Variants in ADCK1 observed in about 807,000 individuals in gnomAD.
ADCK1 encodes aarF domain-containing protein kinase 1.
ADCK1 carries 41 observed loss-of-function variants against 52.3 expected under a neutral mutation model. That is an observed-to-expected ratio of 0.78 (90% CI 0.61 to 1.02). The LOEUF (loss-of-function observed/expected upper bound fraction) is 1.02, where lower values mean the gene tolerates loss of function less well. Ranked by LOEUF, ADCK1 falls within the 50% of genes least tolerant of loss-of-function variation. The probability of loss-of-function intolerance (pLI) is 0.00; values close to 1 mark genes in which losing one functional copy is unlikely to be tolerated. For missense variants in ADCK1, 658 were observed against 679.5 expected, an observed-to-expected ratio of 0.97 and a Z score of 0.35; for synonymous variants, 250 against 274.6, an observed-to-expected ratio of 0.91 and a Z score of 0.89.
intron 4 of ADCK1, among the ~76,000 whole-genome samples, chr14:77,880,446 C>T (rs568602545): frequency 1.2e-4 from 19 of 152,326 alleles, no homozygotes; most frequent in African/African-American, 4.1e-4. Context: ...TTTTGGAACC[C>T]CAGAAAGAAC....
At position 77,815,428 on chromosome 14, in the gene ADCK1, T is replaced by A. The variant is rs2081426369; in HGVS notation, c.-11-3540T>A. On this transcript the variant is annotated intron_variant, in intron 1 of 10. Coordinates refer to ENST00000238561, the MANE Select transcript of ADCK1 (RefSeq NM_020421.4). ...CCCTTTTTTCTTCCCCAGGCTGGTC[T>A]TGAACTCCTAGGCCCAAACAGTCCT... Among the ~76,000 whole-genome samples, 4 of 151,908 alleles carry A rather than the reference T, an allele frequency of 2.6e-5. No homozygotes were observed. The South Asian group carries it at 8.3e-4, about 32-fold the overall frequency.
At chr14:77,847,581 AC>A (rs1343948439) in intron 3 of ADCK1, among the ~76,000 whole-genome samples, 1 of 151,800 alleles carries the variant, frequency 6.6e-6, no homozygotes, top group Non-Finnish European at 1.5e-5. Flanking sequence ...CAAACAAAAA[AC>A]CCCACAAAAA....
At chr14:77,913,087 T>C (rs192095477) in intron 7 of ADCK1, among the ~76,000 whole-genome samples, 9 of 152,186 alleles carry the variant, frequency 5.9e-5, no homozygotes, top group East Asian at 5.8e-4. Flanking sequence ...AGAATCACTA[T>C]AGGGGAAAAA....
rs56314853 is a variant in ADCK1, at chr14:77,887,190, G to T, written c.523G>T (p.Val175Leu). Reference sequence around the variant, plus strand: ...GCTGCATGATGGGCGGACGGTGGCCGTGAAGGTCCAGCACCCAAAGGTGCG... The same window carrying T: ...GCTGCATGATGGGCGGACGGTGGCCTTGAAGGTCCAGCACCCAAAGGTGCG... ...AVLHDGRTVA[V>L]KVQHPKVRAQ... The change falls in exon 5 of 11, where the codon GTG becomes TTG. Residue 175 changes from valine to leucine, a missense_variant. Val to Leu is a conservative substitution (Grantham distance 32). Coordinates refer to ENST00000238561, the MANE Select transcript of ADCK1 (RefSeq NM_020421.4). 6.2e-7 allele frequency: 1 copy of T among 1,610,140 alleles called. No homozygotes were observed. The highest frequency in any genetic ancestry group is 8.5e-7 in the Non-Finnish European group (1 of 1,178,064).
At position 77,912,433 on chromosome 14, in the gene ADCK1, C is replaced by CGTGTGTGT. The variant is rs57555913; in HGVS notation, c.858+4551_858+4558dup. Among the ~76,000 whole-genome samples the CGTGTGTGT allele has an allele frequency of 1.9e-3, 256 of 138,252 alleles. 2 individuals are homozygous for CGTGTGTGT. Among genetic ancestry groups the CGTGTGTGT allele is most frequent in the East Asian group, 7.0e-3 (31 of 4,458 alleles). The allele number at this position is 138,252 out of a possible 152,430, so 90.7% of individuals were successfully genotyped here. On this transcript the variant is annotated intron_variant, in intron 7 of 10. Transcript: ENST00000238561. Reference sequence around the variant, plus strand: ...CACGGCCTTGAAGACTACGGAGGAGCGTGTGTGTGTGTGTGTGTGTGTGTG... The same window carrying CGTGTGTGT: ...CACGGCCTTGAAGACTACGGAGGAGCGTGTGTGTGTGTGTGTGTGTGTGTGTGTGTGTG...
intron 3 of ADCK1, among the ~76,000 whole-genome samples, chr14:77,836,823 A>C (rs1215119665): frequency 7.5e-6 from 1 of 132,508 alleles, no homozygotes; most frequent in Non-Finnish European, 1.5e-5. Flanking sequence ...ATCTAGACTG[A>C]AGTGCAATGG....
chr14:77,823,877 C>T (rs9972189), intron 3 of ADCK1, among the ~76,000 whole-genome samples: 21,963 of 151,800 alleles, frequency 0.14, 1,753 homozygotes, highest in African/African-American at 0.19. Flanking sequence ...AGGCCTGTTT[C>T]ATTTATTTTT....
At chr14:77,917,432 C>A (rs1245812607) in intron 7 of ADCK1, among the ~76,000 whole-genome samples, 1 of 152,130 alleles carries the variant, frequency 6.6e-6, no homozygotes, top group African/African-American at 2.4e-5. Flanking sequence ...AGACACCCCC[C>A]AGGAACATGA....
At chr14:77,827,989 C>T (rs761862599) in intron 3 of ADCK1, 24 of 284,246 alleles carry the variant, frequency 8.4e-5, no homozygotes, top group African/African-American at 3.7e-4. Context: ...CCACCATGCC[C>T]GGATAATTTT....
At chr14:77,840,110 G>A (rs1289814219) in intron 3 of ADCK1, among the ~76,000 whole-genome samples, 2 of 152,000 alleles carry the variant, frequency 1.3e-5, no homozygotes, top group Non-Finnish European at 2.9e-5. Context: ...CAAGAATAGC[G>A]TGAACCAGGG....
intron 1 of ADCK1, among the ~76,000 whole-genome samples, chr14:77,815,199 C>CT (rs56211176): frequency 3.4e-4 from 44 of 129,432 alleles, no homozygotes; most frequent in East Asian, 6.5e-4. Flanking sequence ...TTTGTTTTGT[C>CT]TTTTTTTTTT....
rs748678363 is a variant in ADCK1, at chr14:77,931,713, T to A, written c.1400+2T>A. 6.2e-7 allele frequency: 1 copy of A among 1,600,916 alleles called. No individual in the cohort carries two copies. Among genetic ancestry groups the A allele is most frequent in the Non-Finnish European group, 8.5e-7 (1 of 1,179,136 alleles). ...TTGCTGCATCAGAGCGCTAGCTGAG[T>A]GAGTGTGGGCTCCTCCCTCTCCTCC... is the stretch of plus-strand genomic sequence containing the variant. On this transcript the variant is annotated splice_donor_variant, in intron 10 of 10. Coordinates refer to ENST00000238561, the MANE Select transcript of ADCK1 (RefSeq NM_020421.4). LOFTEE classifies it high-confidence loss of function.
chr14:77,931,483 A>T, intron 9 of ADCK1, 35 bp from the exon 10 acceptor site: 2 of 1,599,306 alleles, frequency 1.3e-6, no homozygotes, highest in South Asian at 2.2e-5. Context: ...TGCCCATACC[A>T]ACCATCTGTT....
rs139348712 is a variant in ADCK1 at position 77,858,525 on chromosome 14, C to G, written c.220-551C>G. ...AAAGTGTTGGGATTACAAGCGTGAG[C>G]CACCGCGCCTGGCCTAGTGATTTCC... On this transcript the variant is annotated intron_variant, in intron 3 of 10. Coordinates refer to ENST00000238561, the MANE Select transcript of ADCK1 (RefSeq NM_020421.4). 8.3e-3 allele frequency among the ~76,000 whole-genome samples: 1,258 copies of G among 152,268 alleles called. 17 individuals are homozygous for G. Among genetic ancestry groups the G allele is most frequent in the African/African-American group, 0.029 (1,200 of 41,552 alleles).
intron 5 of ADCK1, among the ~76,000 whole-genome samples, 169 bp from the exon 6 acceptor site, chr14:77,898,931 G>C (rs1024834958): frequency 6.6e-6 from 1 of 152,216 alleles, no homozygotes; most frequent in Non-Finnish European, 1.5e-5. Context: ...AGAGTACCAA[G>C]CTTATGGGAG....
intron 3 of ADCK1, among the ~76,000 whole-genome samples, chr14:77,855,033 C>G (rs2082389238): frequency 6.6e-6 from 1 of 152,238 alleles, no homozygotes; most frequent in Non-Finnish European, 1.5e-5. Context: ...CCTGTTTACC[C>G]TGCCTTGACC....
chr14:77,845,658 C>T (rs568293349), intron 3 of ADCK1, among the ~76,000 whole-genome samples: 1 of 152,266 alleles, frequency 6.6e-6, no homozygotes, highest in East Asian at 1.9e-4. Context: ...TTCCTGGCCT[C>T]AAGTGATCTG....
intron 7 of ADCK1, among the ~76,000 whole-genome samples, chr14:77,909,126 G>GTT (rs2083733872): frequency 8.3e-6 from 1 of 120,010 alleles, no homozygotes; most frequent in African/African-American, 3.4e-5. Context: ...GGAGGTAAAT[G>GTT]CTTTTTTTTT....
At chr14:77,872,469 T>C (rs1383774157) in intron 4 of ADCK1, among the ~76,000 whole-genome samples, 1 of 151,962 alleles carries the variant, frequency 6.6e-6, no homozygotes, top group Non-Finnish European at 1.5e-5. Flanking sequence ...AAGCCAATCA[T>C]AAGGTGGCTG....
Sources: gnomAD v4.1 joint callset for allele counts (sites outside exome capture counted in the v4.1 genomes callset) on GRCh38, gnomAD v4.1.1 for gene constraint, MANE v1.5 for transcripts, NCBI Gene and HGNC (gene_info 2026-07-23, HGNC 2026-07-21) for gene names.